Variants in CACNA1D observed in about 807,000 individuals in gnomAD.
CACNA1D encodes the protein calcium voltage-gated channel subunit alpha1 D.
CACNA1D carries 55 observed loss-of-function variants against 257.1 expected under a neutral mutation model. That is an observed-to-expected ratio of 0.21 (90% CI 0.17 to 0.27). CACNA1D has a LOEUF of 0.27. Ranked by LOEUF, CACNA1D falls within the 10% of genes least tolerant of loss-of-function variation. CACNA1D has a pLI of 1.00. For synonymous variants in CACNA1D, 980 were observed against 1,014.9 expected (o/e 0.97, Z 0.65); for missense variants, 1,876 against 2,784.0 (o/e 0.67, Z 7.34).
chr3:53,597,551 C>T (rs1158480144), intron 3 of CACNA1D, among the ~76,000 whole-genome samples: 1 of 152,204 alleles, frequency 6.6e-6, no homozygotes, highest in Non-Finnish European at 1.5e-5. Context: ...GGAGAGGAGT[C>T]CCCACTGCCA....
At chr3:53,683,189 G>A (rs1053403208) in intron 8 of CACNA1D, among the ~76,000 whole-genome samples, 2 of 152,172 alleles carry the variant, frequency 1.3e-5, no homozygotes, top group African/African-American at 4.8e-5. Flanking sequence ...TCTGTGCCAG[G>A]TGATACTTAT....
chr3:53,689,019 G>A (rs1180286723), intron 8 of CACNA1D, among the ~76,000 whole-genome samples: 1 of 152,144 alleles, frequency 6.6e-6, no homozygotes, highest in Non-Finnish European at 1.5e-5. Context: ...GATTCCAGCA[G>A]CTGCACTCTG....
At chr3:53,794,603 T>A (rs2095499363) in intron 40 of CACNA1D, among the ~76,000 whole-genome samples, 1 of 152,206 alleles carries the variant, frequency 6.6e-6, no homozygotes, top group Admixed American at 6.5e-5. Context: ...GTTATCAAAC[T>A]TTTTGGTCTT....
chr3:53,660,885 A>T (rs970423870), intron 5 of CACNA1D, among the ~76,000 whole-genome samples: 2 of 152,250 alleles, frequency 1.3e-5, no homozygotes, highest in South Asian at 2.1e-4. Flanking sequence ...CCCTAACAGG[A>T]TGTCTGGAGC....
intron 3 of CACNA1D, among the ~76,000 whole-genome samples, chr3:53,536,012 C>T (rs992151364): frequency 3.9e-5 from 6 of 152,096 alleles, no homozygotes; most frequent in African/African-American, 1.2e-4. Flanking sequence ...GTGGATATGA[C>T]GGCTGAAGGC....
chr3:53,672,634 T>C lies in CACNA1D; in HGVS notation c.1117-389T>C, dbSNP rs116410668. Among the ~76,000 whole-genome samples the C allele has an allele frequency of 4.5e-3, 686 of 152,322 alleles. 3 individuals carry two copies. Among genetic ancestry groups the C allele is most frequent in the African/African-American group, 0.016 (654 of 41,578 alleles). On this transcript the variant is annotated intron_variant, in intron 7 of 47. Coordinates refer to ENST00000350061, the MANE Select transcript of CACNA1D (RefSeq NM_001128840.3). Reference sequence around the variant, plus strand: ...CTAGCTAAGCAGGAGTTTTGTCCTCTACCAAGACCTTTCCTGAAAATCACT... The same window carrying C: ...CTAGCTAAGCAGGAGTTTTGTCCTCCACCAAGACCTTTCCTGAAAATCACT...
chr3:53,643,222 C>T (rs996753923), intron 3 of CACNA1D, among the ~76,000 whole-genome samples: 2 of 152,088 alleles, frequency 1.3e-5, no homozygotes, highest in African/African-American at 4.8e-5. Context: ...TGTTAAATTA[C>T]CCATTGTTGT....
Position 53,512,366 on chromosome 3 carries a change from G to A in CACNA1D, c.483+10646G>A, listed in dbSNP as rs182758531. ...GTACTAGTGTGGTGGGGTAGAGAAA[G>A]CTTTGGCGTGTTTTAGGTTGGCCAA... On this transcript the variant is annotated intron_variant, in intron 3 of 47. Coordinates refer to ENST00000350061, the MANE Select transcript of CACNA1D (RefSeq NM_001128840.3). 1.6e-4 allele frequency among the ~76,000 whole-genome samples: 25 copies of A among 152,288 alleles called. No homozygotes were observed. The East Asian group carries it at 4.8e-3, about 29-fold the overall frequency.
At chr3:53,687,771 T>C (rs902274117) in intron 8 of CACNA1D, among the ~76,000 whole-genome samples, 2 of 152,140 alleles carry the variant, frequency 1.3e-5, no homozygotes, top group African/African-American at 4.8e-5. Context: ...AGATAATAGA[T>C]GAGCAACTCA....
chr3:53,526,570 C>T (rs998116418), intron 3 of CACNA1D, among the ~76,000 whole-genome samples: 1 of 152,130 alleles, frequency 6.6e-6, no homozygotes, highest in African/African-American at 2.4e-5. Context: ...GATTACTGTT[C>T]GAGGTTTTTC....
intron 27 of CACNA1D, among the ~76,000 whole-genome samples, chr3:53,750,958 C>A (rs1289379743): frequency 1.3e-5 from 2 of 152,124 alleles, no homozygotes; most frequent in African/African-American, 4.8e-5. Context: ...TGGGTCCCAA[C>A]CTGTGTTCAA....
chr3:53,519,692 AATTCAGTGTTTTTTACTAT>A (rs2091477177), intron 3 of CACNA1D, among the ~76,000 whole-genome samples: 1 of 152,186 alleles, frequency 6.6e-6, no homozygotes, highest in Non-Finnish European at 1.5e-5. Context: ...TAAATCATAC[AATTCAGTGTTTTTTACTAT>A]ATTCACTGTT....
intron 7 of CACNA1D, among the ~76,000 whole-genome samples, chr3:53,672,115 C>T (rs1576304994): frequency 6.6e-6 from 1 of 152,326 alleles, no homozygotes; most frequent in East Asian, 1.9e-4. Context: ...CCAGGTCTGC[C>T]AGGGAGACTG....
At chr3:53,650,177 A>G (rs1417993046) in intron 3 of CACNA1D, among the ~76,000 whole-genome samples, 1 of 152,248 alleles carries the variant, frequency 6.6e-6, no homozygotes, top group African/African-American at 2.4e-5. Context: ...GGTGTTTGCC[A>G]TCCTGAATTT....
chr3:53,525,676 T>C (rs528892165), intron 3 of CACNA1D, among the ~76,000 whole-genome samples: 1 of 152,276 alleles, frequency 6.6e-6, no homozygotes, highest in South Asian at 2.1e-4. Context: ...GCTCTCAGGA[T>C]GTGCCAAGGA....
Position 53,811,476 on chromosome 3 carries a change from T to G in CACNA1D, c.*70T>G. ...GGAGAGCCAGGGGAAAAGTGCCTCA[T>G]AGTTAGGAAAGTTTAGGCACTAGTT... On this transcript the variant is annotated 3_prime_UTR_variant, in exon 48 of 48. Transcript: ENST00000350061. The surrounding 1 kb of genome is among the most constrained non-coding windows in gnomAD (Gnocchi z 4.2). 1.5e-6 allele frequency: 2 copies of G among 1,340,462 alleles called. No homozygotes were observed. The highest frequency in any genetic ancestry group is 2.0e-6 in the Non-Finnish European group (2 of 993,686). The allele number at this position is 1,340,462 out of a possible 1,614,324, so 83.0% of individuals were successfully genotyped here. A position where few individuals can be genotyped will look rare whatever the true frequency, so the allele number is the denominator to read the frequency against.
At chr3:53,807,896 G>C (rs2095575176) in intron 45 of CACNA1D, 1 of 152,268 alleles carries the variant, frequency 6.6e-6, no homozygotes, top group Admixed American at 6.5e-5. Context: ...ACCTGGTCAA[G>C]CTGATCAGTG....
intron 3 of CACNA1D, among the ~76,000 whole-genome samples, chr3:53,510,978 A>G (rs905008313): frequency 6.6e-6 from 1 of 152,172 alleles, no homozygotes; most frequent in Non-Finnish European, 1.5e-5. Context: ...CAGGTAGCTA[A>G]TAGGTAAATA....
At chr3:53,699,858 G>C (rs1416777166) in intron 8 of CACNA1D, among the ~76,000 whole-genome samples, 2 of 152,018 alleles carry the variant, frequency 1.3e-5, no homozygotes, top group East Asian at 3.9e-4. Context: ...AGTCAGAGTA[G>C]AGTTTTACTT....
Sources: allele counts gnomAD v4.1 joint callset (sites outside exome capture counted in the v4.1 genomes callset), GRCh38; gene constraint gnomAD v4.1.1; non-coding constraint Gnocchi (gnomAD v3.1); transcripts MANE v1.5; gene names NCBI Gene and HGNC (gene_info 2026-07-23, HGNC 2026-07-21).